PCDHA11: variants seen among roughly 807,000 people sequenced by gnomAD.
The protein encoded by PCDHA11 is protocadherin alpha 11.
In PCDHA11, 61 loss-of-function variants were observed where a neutral mutation model predicts 70.3. The ratio of observed to expected loss-of-function variants is 0.87; its 90% confidence interval spans 0.71 to 1.07. PCDHA11 has a LOEUF of 1.07. PCDHA11 is among the 50% of genes least tolerant of loss of function. The pLI is 0.00. For missense variants in PCDHA11, 1,324 were observed against 1,237.5 expected (o/e 1.07, Z -1.05); for synonymous variants, 633 against 555.1 (o/e 1.14, Z -1.97).
At chr5:140,949,219 C>T (rs543953096) in intron 1 of PCDHA11, among the ~76,000 whole-genome samples, 3 of 151,842 alleles carry the variant, frequency 2.0e-5, no homozygotes, top group African/African-American at 7.2e-5. Flanking sequence ...TCTGTTTAGA[C>T]TTGTTCTGTG....
rs60032403 is a variant in PCDHA11 at position 140,941,214 on chromosome 5, C to CCTTT, written c.2392-37696_2392-37693dup. Among the ~76,000 whole-genome samples, 254 of 122,478 alleles carry CCTTT rather than the reference C, an allele frequency of 2.1e-3. 3 individuals carry two copies. The highest frequency in any genetic ancestry group is 3.1e-3 in the Non-Finnish European group (180 of 58,666). 80.4% of individuals were successfully genotyped at this position (122,478 alleles called of 152,430 possible). Reference sequence around the variant, plus strand: ...TTTTTTCTTTCTTCCTTTCTTTCTTCCTTTCTTTCTTTCTTTCTTTCTTTC... The same window carrying CCTTT: ...TTTTTTCTTTCTTCCTTTCTTTCTTCCTTTCTTTCTTTCTTTCTTTCTTTCTTTC... On this transcript the variant is annotated intron_variant, in intron 1 of 3. Coordinates refer to ENST00000398640, the MANE Select transcript of PCDHA11 (RefSeq NM_018902.5).
chr5:140,936,615 G>T (rs1052104404), intron 1 of PCDHA11, among the ~76,000 whole-genome samples: 1 of 152,178 alleles, frequency 6.6e-6, no homozygotes, highest in Non-Finnish European at 1.5e-5. Context: ...CTGCTACTGT[G>T]CAGTGCTACC....
At chr5:140,927,641 CTG>C (rs782418145) in intron 1 of PCDHA11, 23 of 1,614,074 alleles carry the variant, frequency 1.4e-5, no homozygotes, top group Non-Finnish European at 1.4e-5. Flanking sequence ...CCCAATGGGA[CTG>C]TGTTATTCCG....
chr5:140,872,755 C>A (rs1415992998), intron 1 of PCDHA11, among the ~76,000 whole-genome samples: 2 of 152,118 alleles, frequency 1.3e-5, no homozygotes, highest in African/African-American at 4.8e-5. Flanking sequence ...TAAAGACATG[C>A]ATATAGGGCT....
At chr5:140,991,792 T>A (rs541458701) in intron 3 of PCDHA11, among the ~76,000 whole-genome samples, 4 of 152,282 alleles carry the variant, frequency 2.6e-5, no homozygotes, top group Non-Finnish European at 5.9e-5. Context: ...CATTTCCCAA[T>A]CTCAAGGCCA....
intron 2 of PCDHA11, among the ~76,000 whole-genome samples, chr5:140,980,712 T>G (rs4404731): frequency 0.013 from 1,940 of 152,272 alleles, 50 homozygotes; most frequent in African/African-American, 0.045. Context: ...GTGCTCCTAT[T>G]CGGGTTTCAA....
Position 140,870,246 on chromosome 5 carries a change from C to T in PCDHA11, c.1143C>T (p.Asn381=), listed in dbSNP as rs782184125. 1.9e-6 allele frequency: 3 copies of T among 1,614,168 alleles called. No individual in the cohort carries two copies. The highest frequency in any genetic ancestry group is 2.2e-5 in the South Asian group (2 of 91,086). ...ISVSDRDSGV[N]GQVTCSLTPH... The stretch of plus-strand genomic sequence containing the variant: ...TGTCTGACCGTGACTCAGGTGTCAA[C>T]GGACAGGTGACCTGCTCGCTGACGC... Residue 381 remains asparagine (N), a synonymous_variant, in exon 1 of 4, where the codon AAC becomes AAT. Coordinates refer to ENST00000398640, the MANE Select transcript of PCDHA11 (RefSeq NM_018902.5).
At chr5:140,884,416 G>A (rs1035372416) in intron 1 of PCDHA11, 22 of 1,613,888 alleles carry the variant, frequency 1.4e-5, no homozygotes, top group Non-Finnish European at 1.7e-5. Context: ...TCACGTTGCT[G>A]CTGTATACTG....
chr5:140,875,254 T>C, intron 1 of PCDHA11: 1 of 1,054,680 alleles, frequency 9.5e-7, no homozygotes, highest in Non-Finnish European at 1.3e-6. Flanking sequence ...ATCAGTCACA[T>C]GATGTCGCTC....
intron 1 of PCDHA11, among the ~76,000 whole-genome samples, chr5:140,970,004 G>A (rs1322154107): frequency 6.6e-6 from 1 of 152,200 alleles, no homozygotes; most frequent in Non-Finnish European, 1.5e-5. Context: ...CAGAGGGAGT[G>A]GATGATGGTG....
intron 1 of PCDHA11, chr5:140,877,508 C>T (rs892674985): frequency 2.5e-6 from 4 of 1,613,808 alleles, no homozygotes; most frequent in Non-Finnish European, 2.5e-6. Context: ...CCAAAGACGT[C>T]GTCGCGGGCC....
intron 3 of PCDHA11, among the ~76,000 whole-genome samples, chr5:140,985,542 C>T (rs2097157092): frequency 6.6e-6 from 1 of 152,106 alleles, no homozygotes; most frequent in African/African-American, 2.4e-5. Context: ...GGTGAAGATG[C>T]AGTTGCTTCC....
chr5:140,951,551 A>C (rs246040), intron 1 of PCDHA11, among the ~76,000 whole-genome samples: 2 of 151,590 alleles, frequency 1.3e-5, no homozygotes, highest in African/African-American at 4.8e-5. Flanking sequence ...GACGGGGGGA[A>C]GTGCTACGCA....
intron 1 of PCDHA11, chr5:140,967,806 G>A (rs1406839046): frequency 8.1e-6 from 13 of 1,614,180 alleles, no homozygotes; most frequent in Non-Finnish European, 1.1e-5. Flanking sequence ...CCCATGGCAG[G>A]TCACTGCAAG....
chr5:140,934,429 T>C (rs1480259267), intron 1 of PCDHA11, among the ~76,000 whole-genome samples: 1 of 152,194 alleles, frequency 6.6e-6, no homozygotes, highest in African/African-American at 2.4e-5. Context: ...TCAATGCAAG[T>C]GTAAATATAG....
chr5:140,883,230 A>T (rs1554177225), intron 1 of PCDHA11: 1 of 1,614,082 alleles, frequency 6.2e-7, no homozygotes, highest in African/African-American at 1.3e-5. Flanking sequence ...ATATCCGTGG[A>T]GGCAGTTGAC....
Position 140,871,284 on chromosome 5 carries a change from T to C in PCDHA11, c.2181T>C (p.Thr727=), listed in dbSNP as rs2052909297. ...CGCTGTGGTGGTCGGCAACGCCCAC[T>C]GAGGGCGCGTGCGCGCCGGGGAAGC... ...YTALWWSATP[T]EGACAPGKPT... is the part of the protein sequence containing the mutation. Residue 727 remains threonine, a synonymous_variant, in exon 1 of 4, where the codon ACT becomes ACC. Coordinates refer to ENST00000398640, the MANE Select transcript of PCDHA11 (RefSeq NM_018902.5). The C allele has an allele frequency of 6.2e-7, 1 of 1,613,778 alleles. No individual in the cohort carries two copies. The highest frequency in any genetic ancestry group is 1.3e-5 in the African/African-American group (1 of 74,944).
At chr5:140,924,894 CAAAAAA>C (rs782133089) in intron 1 of PCDHA11, among the ~76,000 whole-genome samples, 79 of 71,496 alleles carry the variant, frequency 1.1e-3, no homozygotes, top group African/African-American at 2.7e-3. Flanking sequence ...GAACCTGTCT[CAAAAAA>C]AAAAATAAAA....
intron 1 of PCDHA11, chr5:140,883,493 C>G: frequency 6.2e-7 from 1 of 1,614,174 alleles, no homozygotes; most frequent in Non-Finnish European, 8.5e-7. Flanking sequence ...CTCATTAGTG[C>G]TGGACAGCGC....
Sources: allele counts gnomAD v4.1 joint callset (sites outside exome capture counted in the v4.1 genomes callset), GRCh38; gene constraint gnomAD v4.1.1; transcripts MANE v1.5; gene names NCBI Gene and HGNC (gene_info 2026-07-23, HGNC 2026-07-21).